Variants in DNM2 observed in about 807,000 individuals in gnomAD.
DNM2 encodes dynamin-2.
Under a neutral mutation model 99.0 loss-of-function variants are expected in DNM2, and 15 were observed. The observed-to-expected ratio is 0.15, with a 90% CI of 0.10 to 0.23. The LOEUF is 0.23. Among genes scored for constraint, DNM2 ranks in the 10% least tolerant of loss-of-function variants. The pLI is 1.00. For synonymous variants in DNM2, 525 were observed against 481.2 expected, an observed-to-expected ratio of 1.09 and a Z score of -1.19; for missense variants, 742 against 1,189.4, an observed-to-expected ratio of 0.62 and a Z score of 5.53.
intron 12 of DNM2, 104 bp from the exon 13 acceptor site, chr19:10,805,812 G>T: frequency 2.1e-6 from 3 of 1,449,712 alleles, no homozygotes; most frequent in Non-Finnish European, 1.9e-6. Context: ...TCTACCTGTG[G>T]CTGCTCACTT....
rs571972558 is a variant in DNM2 at position 10,800,012 on chromosome 19, A to G, written c.1422+1440A>G. Among the ~76,000 whole-genome samples the G allele has an allele frequency of 2.7e-5, 4 of 148,824 alleles. No individual in the cohort carries two copies. In the East Asian group the frequency reaches 8.1e-4, roughly 30 times the overall value. ...GCTGGGACTATAGGCGTGAGCTACC[A>G]CGCCTGGCTAATTTTTGTATTTTTA... is the stretch of plus-strand genomic sequence containing the variant. On this transcript the variant is annotated intron_variant, in intron 11 of 20. Transcript: ENST00000389253.
chr19:10,728,472 G>A (rs962325622), intron 1 of DNM2, among the ~76,000 whole-genome samples: 1 of 152,146 alleles, frequency 6.6e-6, no homozygotes, highest in African/African-American at 2.4e-5. Context: ...GCACCATGGC[G>A]TTTGTATCTG....
intron 3 of DNM2, among the ~76,000 whole-genome samples, chr19:10,773,336 A>G (rs1599524828): frequency 6.6e-6 from 1 of 151,390 alleles, no homozygotes. Flanking sequence ...TTTAGTAGAG[A>G]TGGGATTTCA....
rs2146061452 is a variant in DNM2, at chr19:10,802,345, A to G, written c.1480A>G (p.Ile494Val). The G allele has an allele frequency of 5.0e-6, 8 of 1,614,168 alleles. No individual in the cohort carries two copies. The highest frequency in any genetic ancestry group is 6.8e-6 in the Non-Finnish European group (8 of 1,180,028). The stretch of plus-strand genomic sequence containing the variant: ...CATCAACACGAACCATGAGGACTTC[A>G]TCGGGTTTGCCAAGTAGGTACTTTT... Reference protein sequence around the residue: ...SYINTNHEDFIGFANAQQRST... With the variant: ...SYINTNHEDFVGFANAQQRST... Residue 494 changes from isoleucine to valine, a missense_variant, in exon 12 of 21, where the codon ATC becomes GTC. Physicochemically the swap from Ile to Val is conservative, Grantham distance 29. Around this residue, in one of 7 missense-constraint regions of DNM2, gnomAD observed 240 missense variants for 431.3 expected, o/e 0.56. Coordinates refer to ENST00000389253, the MANE Select transcript of DNM2 (RefSeq NM_001005361.3).
chr19:10,745,873 A>G (rs2069947567), intron 1 of DNM2, among the ~76,000 whole-genome samples: 1 of 152,198 alleles, frequency 6.6e-6, no homozygotes, highest in South Asian at 2.1e-4. Flanking sequence ...TTGTGGAAAT[A>G]CTTGGAGGAG....
At chr19:10,777,885 G>A (rs569575267) in intron 5 of DNM2, among the ~76,000 whole-genome samples, 4 of 151,916 alleles carry the variant, frequency 2.6e-5, no homozygotes, top group East Asian at 1.9e-4. Context: ...ATGAGCCACC[G>A]CACCCGGCCT....
rs772392596 is a variant in DNM2, at chr19:10,811,880, G to A, written c.1558-384G>A. On this transcript the variant is annotated intron_variant, in intron 14 of 20. Coordinates refer to ENST00000389253, the MANE Select transcript of DNM2 (RefSeq NM_001005361.3). The surrounding 1 kb of genome is among the most constrained non-coding windows in gnomAD (Gnocchi z 5.4). ...CTCACACCTTTGACCCTAGCCCTCT[G>A]TGTGGATGCTACCCTTGGAACCTTA... is the stretch of plus-strand genomic sequence containing the variant. 1.2e-5 allele frequency: 6 copies of A among 488,688 alleles called. No homozygotes were observed. Among genetic ancestry groups the A allele is most frequent in the Non-Finnish European group, 2.4e-5 (6 of 245,222 alleles). The allele number at this position is 488,688 out of a possible 1,614,324, so 30.3% of individuals were successfully genotyped here.
rs942127810 is a variant in DNM2, at chr19:10,812,482, C to T, written c.1671+105C>T. 11 of 943,956 alleles carry T rather than the reference C, an allele frequency of 1.2e-5. No individual in the cohort carries two copies. The Admixed American group carries it at 2.3e-4, about 20-fold the overall frequency. The allele number at this position is 943,956 out of a possible 1,614,324, so 58.5% of individuals were successfully genotyped here. ...AACTCAGTCACTGCGCCACTCTGCC[C>T]TGAGTCACCATTAGGACTGTAACTC... is the stretch of plus-strand genomic sequence containing the variant. On this transcript the variant is annotated intron_variant, in intron 15 of 20. Transcript: ENST00000389253. The surrounding 1 kb of genome is among the most constrained non-coding windows in gnomAD (Gnocchi z 4.0).
At chr19:10,790,157 T>C (rs1246982499) in intron 7 of DNM2, among the ~76,000 whole-genome samples, 2 of 152,222 alleles carry the variant, frequency 1.3e-5, no homozygotes, top group Non-Finnish European at 2.9e-5. Flanking sequence ...ATTACGGTAA[T>C]AGACTTCCCC....
At position 10,831,299 on chromosome 19, in the gene DNM2, T is replaced by TAC; in HGVS notation, c.*252_*253insAC. ...CACTTTGGGGGATGGAGTCTCAGGG[T>TAC]GGCAGAGGGGGGACCAGAACCCTTG... On this transcript the variant is annotated 3_prime_UTR_variant, in exon 21 of 21. Transcript: ENST00000389253. The surrounding 1 kb of genome is among the most constrained non-coding windows in gnomAD (Gnocchi z 4.3). 1.6e-6 allele frequency: 2 copies of TAC among 1,275,008 alleles called. No homozygotes were observed. Among genetic ancestry groups the TAC allele is most frequent in the Non-Finnish European group, 9.9e-7 (1 of 1,011,508 alleles). 79.0% of individuals were successfully genotyped at this position (1,275,008 alleles called of 1,614,324 possible).
chr19:10,735,810 G>A (rs949521584), intron 1 of DNM2, among the ~76,000 whole-genome samples: 6 of 151,958 alleles, frequency 3.9e-5, no homozygotes, highest in Admixed American at 3.3e-4. Context: ...CACTGTGCCC[G>A]GCCTTTTCTG....
intron 1 of DNM2, among the ~76,000 whole-genome samples, chr19:10,727,001 G>A (rs892086): frequency 0.59 from 90,230 of 152,016 alleles, 26,943 homozygotes; most frequent in South Asian, 0.65. Flanking sequence ...GACCTGTTAG[G>A]TACCAGATGA....
At chr19:10,746,717 C>CTTTTTTT (rs1279869201) in intron 1 of DNM2, among the ~76,000 whole-genome samples, 5 of 103,192 alleles carry the variant, frequency 4.8e-5, no homozygotes, top group Non-Finnish European at 7.4e-5. Context: ...ACCGTGCCGG[C>CTTTTTTT]TTTTTTTTTG....
intron 1 of DNM2, among the ~76,000 whole-genome samples, chr19:10,750,245 G>T (rs767882958): frequency 9.2e-5 from 14 of 152,228 alleles, no homozygotes; most frequent in Non-Finnish European, 1.3e-4. Context: ...TTGGGAGGCC[G>T]ATGCGGGAAG....
intron 6 of DNM2, among the ~76,000 whole-genome samples, chr19:10,783,782 C>A (rs1245394888): frequency 6.6e-6 from 1 of 151,580 alleles, no homozygotes; most frequent in Non-Finnish European, 1.5e-5. Flanking sequence ...CTCACTGCAA[C>A]CTCCACGTCC....
Position 10,817,607 on chromosome 19 carries a change from C to T in DNM2, c.1672-2373C>T, listed in dbSNP as rs994613952. 9.0e-6 allele frequency: 3 copies of T among 331,550 alleles called. No homozygotes were observed. The highest frequency in any genetic ancestry group is 4.6e-5 in the African/African-American group (2 of 43,436). The allele number at this position is 331,550 out of a possible 1,614,324, so 20.5% of individuals were successfully genotyped here. A position where few individuals can be genotyped will look rare whatever the true frequency, so the allele number is the denominator to read the frequency against. ...AAGGAAACCACCACTCTTCCCGAGA[C>T]GATCCGCTCTGTCCCTTCTGACGTG... On this transcript the variant is annotated intron_variant, in intron 15 of 20. Coordinates refer to ENST00000389253, the MANE Select transcript of DNM2 (RefSeq NM_001005361.3). The surrounding 1 kb of genome is among the most constrained non-coding windows in gnomAD (Gnocchi z 4.6).
intron 11 of DNM2, among the ~76,000 whole-genome samples, chr19:10,799,534 GTTTTTTTT>G (rs897961120): frequency 9.4e-6 from 1 of 106,520 alleles, no homozygotes; most frequent in African/African-American, 3.7e-5. Context: ...GTGGTTTTTT[GTTTTTTTT>G]TTTTTTTTTG....
At chr19:10,794,786 G>A (rs999805528) in intron 8 of DNM2, among the ~76,000 whole-genome samples, 4 of 151,978 alleles carry the variant, frequency 2.6e-5, no homozygotes, top group Admixed American at 6.6e-5. Context: ...AAAAGAAAAA[G>A]CTGGGTGTGG....
In DNM2 at chr19:10,765,578, G is replaced by A. The variant is rs1165192549; in HGVS notation, c.235+5767G>A. ...GCCTGCCCAGGCTGACACCTTCCCAGTGGCAATTTGTCCTGGACTGGGAGA... is the reference window on the plus strand; with the variant it reads ...GCCTGCCCAGGCTGACACCTTCCCAATGGCAATTTGTCCTGGACTGGGAGA... On this transcript the variant is annotated intron_variant, in intron 2 of 20. Coordinates refer to ENST00000389253, the MANE Select transcript of DNM2 (RefSeq NM_001005361.3). The surrounding 1 kb of genome is among the most constrained non-coding windows in gnomAD (Gnocchi z 4.4). 6.6e-6 allele frequency among the ~76,000 whole-genome samples: 1 copy of A among 152,216 alleles called. No homozygotes were observed. The highest frequency in any genetic ancestry group is 1.5e-5 in the Non-Finnish European group (1 of 68,038).
Sources: allele counts gnomAD v4.1 joint callset (sites outside exome capture counted in the v4.1 genomes callset), GRCh38; gene constraint gnomAD v4.1.1; regional missense constraint gnomAD v4.1.1; non-coding constraint Gnocchi (gnomAD v3.1); transcripts MANE v1.5; gene names NCBI Gene and HGNC (gene_info 2026-07-23, HGNC 2026-07-21).